Variants in MACROD2 observed in about 807,000 individuals in gnomAD.
MACROD2 encodes mono-ADP ribosylhydrolase 2.
MACROD2 carries 36 observed loss-of-function variants against 70.4 expected under a neutral mutation model. The ratio of observed to expected loss-of-function variants is 0.51; its 90% CI spans 0.39 to 0.68. The LOEUF (loss-of-function observed/expected upper bound fraction) is 0.68, where lower values mean the gene tolerates loss of function less well. MACROD2 is among the 30% of genes least tolerant of loss of function. The pLI, the probability that MACROD2 is intolerant of heterozygous loss-of-function variation, is 0.00. For missense variants in MACROD2, 496 were observed against 538.4 expected (o/e 0.92, Z 0.78); for synonymous variants, 172 against 178.8 (o/e 0.96, Z 0.30).
intron 8 of MACROD2, among the ~76,000 whole-genome samples, chr20:15,617,422 G>A (rs1438633161): frequency 6.6e-6 from 1 of 152,182 alleles, no homozygotes; most frequent in African/African-American, 2.4e-5. Flanking sequence ...TTATGAACTA[G>A]ATCCCGTCAC....
At chr20:15,349,567 C>T (rs1407993176) in intron 6 of MACROD2, among the ~76,000 whole-genome samples, 5 of 151,792 alleles carry the variant, frequency 3.3e-5, no homozygotes, top group African/African-American at 1.2e-4. Context: ...ACACCCTGAC[C>T]AACATGGTGA....
chr20:16,047,438 C>T (rs2067398103), intron 17 of MACROD2, among the ~76,000 whole-genome samples: 1 of 152,118 alleles, frequency 6.6e-6, no homozygotes, highest in Non-Finnish European at 1.5e-5. Flanking sequence ...TATTTGAGGG[C>T]AGTAATGATG....
rs186300921 is a variant in MACROD2, at chr20:14,218,440, G to C, written c.271+132712G>C. On this transcript the variant is annotated intron_variant, in intron 3 of 17. Coordinates refer to ENST00000684519, the MANE Select transcript of MACROD2 (RefSeq NM_001351661.2). Reference sequence around the variant, plus strand: ...AGTCTCCTGAAGGAAGCAGATAGTTGGTTGGTGAGTTCTTATCCATTCTGC... The same window carrying C: ...AGTCTCCTGAAGGAAGCAGATAGTTCGTTGGTGAGTTCTTATCCATTCTGC... 7.2e-4 allele frequency among the ~76,000 whole-genome samples: 110 copies of C among 152,236 alleles called. 1 individual carries two copies. The highest frequency in any genetic ancestry group is 2.5e-3 in the African/African-American group (104 of 41,554).
At chr20:15,387,331 C>T (rs2045727754) in intron 6 of MACROD2, among the ~76,000 whole-genome samples, 1 of 150,048 alleles carries the variant, frequency 6.7e-6, no homozygotes. Flanking sequence ...CCTTCCATTT[C>T]TCCCTTCCTT....
chr20:16,009,988 C>A (rs944936074), intron 15 of MACROD2, among the ~76,000 whole-genome samples: 7 of 152,072 alleles, frequency 4.6e-5, no homozygotes, highest in African/African-American at 1.7e-4. Context: ...TCTTTATAAT[C>A]CTTGTAGGTC....
chr20:14,313,784 G>A (rs773347004), intron 3 of MACROD2, among the ~76,000 whole-genome samples: 2 of 152,170 alleles, frequency 1.3e-5, no homozygotes, highest in Non-Finnish European at 2.9e-5. Context: ...AGAATGTCTT[G>A]TGTAAACATA....
At chr20:15,066,561 A>G (rs149533783) in intron 5 of MACROD2, among the ~76,000 whole-genome samples, 18 of 152,174 alleles carry the variant, frequency 1.2e-4, no homozygotes, top group African/African-American at 3.4e-4. Context: ...TACTTATCCC[A>G]TGATTACACC....
At chr20:14,608,265 A>G (rs1331468987) in intron 4 of MACROD2, among the ~76,000 whole-genome samples, 2 of 152,148 alleles carry the variant, frequency 1.3e-5, no homozygotes, top group African/African-American at 4.8e-5. Context: ...TCAAAAAATA[A>G]ATAAATAAAT....
chr20:15,885,713 G>T, intron 9 of MACROD2, 51 bp from the exon 10 acceptor site: 3 of 1,407,316 alleles, frequency 2.1e-6, no homozygotes, highest in Non-Finnish European at 2.8e-6. Context: ...ACATTCTTGT[G>T]TTTCCCACTT....
chr20:15,221,983 G>A (rs1319642417), intron 5 of MACROD2, among the ~76,000 whole-genome samples: 1 of 152,134 alleles, frequency 6.6e-6, no homozygotes, highest in East Asian at 1.9e-4. Flanking sequence ...CTTATTTAGA[G>A]AACCATAGCA....
At chr20:15,758,849 G>T (rs569009212) in intron 8 of MACROD2, among the ~76,000 whole-genome samples, 3 of 151,546 alleles carry the variant, frequency 2.0e-5, no homozygotes, top group East Asian at 2.0e-4. Context: ...GGCCTAATTC[G>T]GTTTATTAAA....
intron 10 of MACROD2, among the ~76,000 whole-genome samples, chr20:15,931,638 G>T (rs1320706728): frequency 6.6e-6 from 1 of 151,326 alleles, no homozygotes; most frequent in Non-Finnish European, 1.5e-5. Flanking sequence ...GCAAGGCTCT[G>T]TGTCTATTAA....
intron 4 of MACROD2, among the ~76,000 whole-genome samples, chr20:14,574,547 C>T (rs1261457943): frequency 1.3e-5 from 2 of 151,976 alleles, no homozygotes; most frequent in African/African-American, 4.8e-5. Flanking sequence ...TTTCACTTGC[C>T]CCCTAGTATT....
At chr20:15,889,327 A>G (rs1021621897) in intron 10 of MACROD2, among the ~76,000 whole-genome samples, 6 of 152,194 alleles carry the variant, frequency 3.9e-5, no homozygotes, top group Admixed American at 2.0e-4. Flanking sequence ...CTTTGTGCCA[A>G]TAACGTGACA....
At chr20:15,318,965 G>A (rs1291772087) in intron 6 of MACROD2, among the ~76,000 whole-genome samples, 1 of 152,088 alleles carries the variant, frequency 6.6e-6, no homozygotes, top group East Asian at 1.9e-4. Context: ...CCAGACAGAG[G>A]ATGTAGGCAA....
At chr20:15,390,387 GTTA>G (rs2045776742) in intron 6 of MACROD2, among the ~76,000 whole-genome samples, 2 of 152,084 alleles carry the variant, frequency 1.3e-5, no homozygotes, top group South Asian at 4.1e-4. Context: ...TTCTTGGGCA[GTTA>G]TTACCATCTA....
chr20:15,557,660 C>T (rs1027477497), intron 8 of MACROD2, among the ~76,000 whole-genome samples: 1 of 152,178 alleles, frequency 6.6e-6, no homozygotes, highest in Non-Finnish European at 1.5e-5. Flanking sequence ...AAGTAATGGT[C>T]ACACATGTTT....
chr20:14,870,226 T>A (rs918246637), intron 5 of MACROD2, among the ~76,000 whole-genome samples: 2 of 152,164 alleles, frequency 1.3e-5, no homozygotes, highest in African/African-American at 4.8e-5. Flanking sequence ...CCTGTGTTAG[T>A]TTGCTAAGGA....
intron 8 of MACROD2, among the ~76,000 whole-genome samples, chr20:15,667,349 G>A (rs997966630): frequency 2.0e-5 from 3 of 152,136 alleles, no homozygotes; most frequent in African/African-American, 7.2e-5. Context: ...AAGTGATGTC[G>A]CTGCTAGGCT....
Sources: allele counts gnomAD v4.1 joint callset (sites outside exome capture counted in the v4.1 genomes callset), GRCh38; gene constraint gnomAD v4.1.1; transcripts MANE v1.5; gene names NCBI Gene and HGNC (gene_info 2026-07-23, HGNC 2026-07-21).